PPP1CB: variants seen among roughly 807,000 people sequenced by gnomAD.
The protein encoded by PPP1CB is protein phosphatase 1 catalytic subunit beta.
PPP1CB carries 2 observed loss-of-function variants against 43.7 expected under a neutral mutation model. The observed-to-expected ratio is 0.05, with a 90% CI of 0.02 to 0.14. The LOEUF is 0.14. Ranked by LOEUF, PPP1CB falls within the 10% of genes least tolerant of loss-of-function variation. The pLI is 1.00. For missense variants in PPP1CB, 84 were observed against 398.0 expected (o/e 0.21, Z 6.71); for synonymous variants, 136 against 135.6 (o/e 1.00, Z -0.02).
intron 5 of PPP1CB, among the ~76,000 whole-genome samples, chr2:28,786,723 C>T (rs376097315): frequency 8.4e-5 from 11 of 131,632 alleles, no homozygotes; most frequent in South Asian, 4.8e-4. Context: ...TGCAGTGAGC[C>T]GAGATCGTGC....
At chr2:28,790,725 G>T (rs1667367856) in intron 6 of PPP1CB, among the ~76,000 whole-genome samples, 1 of 152,154 alleles carries the variant, frequency 6.6e-6, no homozygotes, top group Non-Finnish European at 1.5e-5. Flanking sequence ...ATACTTGAGT[G>T]TGTAGAGGTA....
At chr2:28,765,643 A>G (rs1055749771) in intron 1 of PPP1CB, among the ~76,000 whole-genome samples, 6 of 152,214 alleles carry the variant, frequency 3.9e-5, no homozygotes, top group South Asian at 2.1e-4. Context: ...CTGACTGGGT[A>G]TGGTGGCTCG....
chr2:28,758,028 T>C, intron 1 of PPP1CB, among the ~76,000 whole-genome samples: 1 of 117,492 alleles, frequency 8.5e-6, no homozygotes, highest in African/African-American at 2.8e-5. Context: ...ATGCCATGCA[T>C]TTTTAATTTT....
intron 1 of PPP1CB, among the ~76,000 whole-genome samples, chr2:28,753,385 C>G (rs1666390784): frequency 6.6e-6 from 1 of 152,166 alleles, no homozygotes; most frequent in African/African-American, 2.4e-5. Flanking sequence ...GTATCTCAAA[C>G]CCAAGTTCTG....
intron 1 of PPP1CB, among the ~76,000 whole-genome samples, chr2:28,764,099 A>G (rs944812757): frequency 3.3e-5 from 5 of 152,026 alleles, no homozygotes; most frequent in Admixed American, 2.0e-4. Context: ...TTGTGTGCAT[A>G]GAGAAAGATG....
chr2:28,791,464 G>A (rs1429469712), intron 6 of PPP1CB, among the ~76,000 whole-genome samples: 1 of 151,898 alleles, frequency 6.6e-6, no homozygotes, highest in Non-Finnish European at 1.5e-5. Flanking sequence ...CCGAGTAGCT[G>A]GGACTACAGG....
chr2:28,779,134 A>C, intron 3 of PPP1CB, 95 bp downstream of exon 3: 4 of 939,902 alleles, frequency 4.3e-6, no homozygotes, highest in Non-Finnish European at 6.3e-6. Flanking sequence ...GAGTTTTTTC[A>C]AAATAAGATC....
At chr2:28,761,185 C>A (rs538336541) in intron 1 of PPP1CB, among the ~76,000 whole-genome samples, 1 of 152,118 alleles carries the variant, frequency 6.6e-6, no homozygotes, top group Admixed American at 6.5e-5. Context: ...CCACCGCGCC[C>A]GGCCGAGACC....
intron 4 of PPP1CB, 157 bp downstream of exon 4, chr2:28,781,999 T>G (rs913593316): frequency 1.5e-6 from 1 of 659,216 alleles, no homozygotes; most frequent in African/African-American, 1.9e-5. Flanking sequence ...TTTTAAAAAT[T>G]AGAAATTTAT....
At chr2:28,755,665 G>A (rs891254047) in intron 1 of PPP1CB, among the ~76,000 whole-genome samples, 1 of 152,176 alleles carries the variant, frequency 6.6e-6, no homozygotes, top group African/African-American at 2.4e-5. Flanking sequence ...GAGTATAGCA[G>A]AATCATCTGG....
chr2:28,759,546 A>T (rs1016091012), intron 1 of PPP1CB, among the ~76,000 whole-genome samples: 17 of 149,610 alleles, frequency 1.1e-4, no homozygotes, highest in African/African-American at 3.7e-4. Flanking sequence ...AAAAAAAAAA[A>T]GTATAACACA....
intron 1 of PPP1CB, among the ~76,000 whole-genome samples, chr2:28,774,845 C>T (rs1469815885): frequency 2.6e-5 from 4 of 152,118 alleles, no homozygotes; most frequent in African/African-American, 9.7e-5. Flanking sequence ...TGAGAACAAG[C>T]ACTAATGAAG....
intron 1 of PPP1CB, 81 bp downstream of exon 1, chr2:28,752,257 C>T (rs1250679901): frequency 2.2e-5 from 28 of 1,279,738 alleles, no homozygotes; most frequent in Non-Finnish European, 2.7e-5. Flanking sequence ...CGCCGGAACG[C>T]GAGGGGACCC....
chr2:28,787,503 AAAAT>A (rs1191108132), intron 5 of PPP1CB, among the ~76,000 whole-genome samples: 91 of 152,290 alleles, frequency 6.0e-4, no homozygotes, highest in African/African-American at 2.1e-3. Flanking sequence ...CAATTCTTAG[AAAAT>A]CACCATCACC....
chr2:28,753,263 A>C (rs1367573317), intron 1 of PPP1CB, among the ~76,000 whole-genome samples: 1 of 152,218 alleles, frequency 6.6e-6, no homozygotes, highest in Non-Finnish European at 1.5e-5. Flanking sequence ...TTTGCTTTCA[A>C]ATTACCTTAA....
At chr2:28,795,579 A>G (rs1185795459) in intron 7 of PPP1CB, among the ~76,000 whole-genome samples, 1 of 151,918 alleles carries the variant, frequency 6.6e-6, no homozygotes, top group African/African-American at 2.4e-5. Context: ...GCATTTTTTC[A>G]TATATTTGTT....
intron 6 of PPP1CB, among the ~76,000 whole-genome samples, chr2:28,790,581 C>G (rs1667365701): frequency 6.6e-6 from 1 of 152,244 alleles, no homozygotes; most frequent in South Asian, 2.1e-4. Context: ...CCCAGGTGAT[C>G]TGCCCACCTC....
Position 28,799,403 on chromosome 2 carries a change from A to G in PPP1CB, c.*100A>G, listed in dbSNP as rs1051584303. 1.1e-6 allele frequency: 1 copy of G among 902,082 alleles called. No individual in the cohort carries two copies. The allele number at this position is 902,082 out of a possible 1,614,324, so 55.9% of individuals were successfully genotyped here. A position where few individuals can be genotyped will look rare whatever the true frequency, so the allele number is the denominator to read the frequency against. On this transcript the variant is annotated 3_prime_UTR_variant, in exon 8 of 8. Coordinates refer to ENST00000395366, the MANE Select transcript of PPP1CB (RefSeq NM_002709.3). ...ACCATCCAGCCATTTGACACCCTTTATGATGTCACACCTTTAACTTAAGGA... is the reference window on the plus strand; with the variant it reads ...ACCATCCAGCCATTTGACACCCTTTGTGATGTCACACCTTTAACTTAAGGA...
chr2:28,767,928 G>T (rs1259881784), intron 1 of PPP1CB, among the ~76,000 whole-genome samples: 1 of 152,200 alleles, frequency 6.6e-6, no homozygotes, highest in African/African-American at 2.4e-5. Context: ...ATTGTAGAAA[G>T]ATAACCTTAC....
Sources: gnomAD v4.1 joint callset for allele counts (sites outside exome capture counted in the v4.1 genomes callset) on GRCh38, gnomAD v4.1.1 for gene constraint, MANE v1.5 for transcripts, NCBI Gene and HGNC (gene_info 2026-07-23, HGNC 2026-07-21) for gene names.